SEM1: variants seen among roughly 807,000 people sequenced by gnomAD.
SEM1 encodes SEM1 26S proteasome subunit, also known as 26S proteasome complex subunit SEM1.
Under a neutral mutation model 12.7 loss-of-function variants are expected in SEM1, and 3 were observed. That is an observed-to-expected ratio of 0.24 (90% CI 0.11 to 0.61). The LOEUF is 0.61. Among genes scored for constraint, SEM1 ranks in the 20% least tolerant of loss-of-function variants. SEM1 has a pLI of 0.88. For missense variants in SEM1, 59 were observed against 81.3 expected (o/e 0.73, Z 1.06); for synonymous variants, 30 against 27.8 (o/e 1.08, Z -0.25).
Position 96,515,393 on chromosome 7 carries a change from T to C in SEM1, c.171-8695A>G, listed in dbSNP as rs562965781. ...AGGAAACAACAAATGCTGGAGAGGA[T>C]GTGGAGAAATAGCAACACTTTTACA... On this transcript the variant is annotated intron_variant and NMD_transcript_variant, in intron 2 of 3. Transcript: ENST00000466986. 1.1e-3 allele frequency among the ~76,000 whole-genome samples: 167 copies of C among 152,230 alleles called. 2 individuals carry two copies. The highest frequency in any genetic ancestry group is 3.9e-3 in the African/African-American group (163 of 41,542).
intron 2 of SEM1, among the ~76,000 whole-genome samples, chr7:96,527,549 C>A (rs754914096): frequency 3.9e-5 from 6 of 152,112 alleles, no homozygotes; most frequent in East Asian, 3.9e-4. Context: ...ATAAACTTCT[C>A]AGAATCACAG....
chr7:96,683,480 T>A (rs1789675861), intron 2 of SEM1, among the ~76,000 whole-genome samples: 2 of 152,164 alleles, frequency 1.3e-5, no homozygotes, highest in Non-Finnish European at 2.9e-5. Flanking sequence ...GTGTGGCGAT[T>A]CCTCAAGGAT....
At chr7:96,529,316 A>C (rs1048339042) in intron 2 of SEM1, among the ~76,000 whole-genome samples, 5 of 152,252 alleles carry the variant, frequency 3.3e-5, no homozygotes, top group Admixed American at 2.6e-4. Context: ...TTTGAAATCC[A>C]CTTTTTTCCC....
chr7:96,551,877 G>C lies in SEM1; in HGVS notation c.171-45179C>G, dbSNP rs1004883900. On this transcript the variant is annotated intron_variant and NMD_transcript_variant, in intron 2 of 3. Coordinates refer to the SEM1 transcript ENST00000466986. ...GATTCTCCCCTAGAGCCTCTGGAAG[G>C]AACCAGCCCTGCCAACACATTTATT... 2.0e-5 allele frequency among the ~76,000 whole-genome samples: 3 copies of C among 152,094 alleles called. No individual in the cohort carries two copies. The East Asian group carries it at 5.8e-4, about 29-fold the overall frequency.
intron 3 of SEM1, among the ~76,000 whole-genome samples, chr7:96,505,693 A>G (rs781749189): frequency 6.6e-6 from 1 of 152,092 alleles, no homozygotes; most frequent in Admixed American, 6.6e-5. Flanking sequence ...AGAAAATTCA[A>G]TGTTTGGCGA....
chr7:96,681,993 G>A (rs7808844), intron 2 of SEM1, among the ~76,000 whole-genome samples: 187 of 152,048 alleles, frequency 1.2e-3, no homozygotes, highest in Non-Finnish European at 2.3e-3. Flanking sequence ...CCATTTTCAC[G>A]ATATTGATTC....
At chr7:96,492,033 C>G (rs1201663509) in intron 1 of SEM1, among the ~76,000 whole-genome samples, 4 of 152,160 alleles carry the variant, frequency 2.6e-5, no homozygotes, top group Non-Finnish European at 4.4e-5. Context: ...TCAGTGTTTA[C>G]ACAGTCTTTC....
At chr7:96,608,885 G>C (rs1244964306) in intron 2 of SEM1, among the ~76,000 whole-genome samples, 1 of 152,044 alleles carries the variant, frequency 6.6e-6, no homozygotes, top group Non-Finnish European at 1.5e-5. Context: ...GTGAACATTT[G>C]TGTACACATT....
exon 4 of SEM1, chr7:96,483,392 AGTGG>A: frequency 6.0e-6 from 1 of 167,238 alleles, no homozygotes; most frequent in South Asian, 1.4e-4. Flanking sequence ...TCACAGCAGA[AGTGG>A]AAAGACTCTT....
chr7:96,642,146 G>T (rs1200139333), intron 2 of SEM1, among the ~76,000 whole-genome samples: 1 of 151,956 alleles, frequency 6.6e-6, no homozygotes, highest in African/African-American at 2.4e-5. Flanking sequence ...CTACCATATG[G>T]TACAGCACAC....
chr7:96,682,559 C>T (rs1789645921), intron 2 of SEM1, among the ~76,000 whole-genome samples: 1 of 151,726 alleles, frequency 6.6e-6, no homozygotes, highest in Non-Finnish European at 1.5e-5. Context: ...AGACGTAAAA[C>T]CATAAAAACC....
chr7:96,615,241 C>CTTTTTTTTTTTTTTTTTTTTTTTTTTT (rs60940244), intron 2 of SEM1, among the ~76,000 whole-genome samples: 18 of 126,460 alleles, frequency 1.4e-4, no homozygotes, highest in African/African-American at 5.7e-4. Flanking sequence ...TTTGAGTCAT[C>CTTTTTTTTTTTTTTTTTTTTTTTTTTT]TTTTTTTTTT....
intron 2 of SEM1, among the ~76,000 whole-genome samples, chr7:96,654,882 G>A (rs1342700996): frequency 1.3e-5 from 2 of 152,040 alleles, no homozygotes; most frequent in Non-Finnish European, 2.9e-5. Flanking sequence ...TCCACAATTC[G>A]CAGTCACAGG....
chr7:96,622,218 G>C, downstream of SEM1: 1 of 167,558 alleles, frequency 6.0e-6, no homozygotes, highest in Non-Finnish European at 1.3e-5. Context: ...TAAATTCTCT[G>C]AAGGAAACTG....
At chr7:96,531,826 T>C (rs2115722531) in intron 2 of SEM1, among the ~76,000 whole-genome samples, 1 of 152,190 alleles carries the variant, frequency 6.6e-6, no homozygotes, top group Non-Finnish European at 1.5e-5. Flanking sequence ...TAGAAAATAT[T>C]ATGAATGGCA....
At chr7:96,496,182 T>G in intron 1 of SEM1, 1 of 691,186 alleles carries the variant, frequency 1.4e-6, no homozygotes, top group South Asian at 1.9e-5. Flanking sequence ...ACTCGTTAGA[T>G]AGTTAAAATC....
At chr7:96,555,495 C>G (rs983486738) in intron 2 of SEM1, among the ~76,000 whole-genome samples, 5 of 127,442 alleles carry the variant, frequency 3.9e-5, no homozygotes, top group Non-Finnish European at 7.1e-5. Context: ...TGTAGTTGAG[C>G]GGTTTTGAGT....
At chr7:96,635,846 G>A (rs1021322092) in intron 2 of SEM1, among the ~76,000 whole-genome samples, 1 of 151,956 alleles carries the variant, frequency 6.6e-6, no homozygotes, top group Non-Finnish European at 1.5e-5. Flanking sequence ...CAGGGAGAAT[G>A]ATCATTTTAT....
upstream of SEM1, among the ~76,000 whole-genome samples, chr7:96,498,345 TTG>T (rs973406921): frequency 6.8e-6 from 1 of 147,880 alleles, no homozygotes; most frequent in Non-Finnish European, 1.5e-5. Context: ...ACACGTCGTT[TTG>T]TGTATGTGTG....
Sources: gnomAD v4.1 joint callset for allele counts (sites outside exome capture counted in the v4.1 genomes callset) on GRCh38, gnomAD v4.1.1 for gene constraint, MANE v1.5 for transcripts, NCBI Gene and HGNC (gene_info 2026-07-23, HGNC 2026-07-21) for gene names.